The following KAT6B variants were observed in gnomAD, a reference collection of about 807,000 sequenced individuals.
KAT6B encodes lysine acetyltransferase 6B.
A neutral mutation model predicts 187.5 loss-of-function variants in KAT6B; 10 were observed. That is an observed-to-expected ratio of 0.05 (90% CI 0.03 to 0.09). The LOEUF (loss-of-function observed/expected upper bound fraction) is 0.09. Among genes scored for constraint, KAT6B ranks in the 10% least tolerant of loss-of-function variants. The pLI, the probability that KAT6B is intolerant of heterozygous loss-of-function variation, is 1.00. For synonymous variants in KAT6B, 861 were observed against 926.8 expected (o/e 0.93, Z 1.29); for missense variants, 1,952 against 2,558.9 (o/e 0.76, Z 5.12).
At chr10:74,860,549 G>C (rs1048039920) in intron 3 of KAT6B, among the ~76,000 whole-genome samples, 2 of 152,200 alleles carry the variant, frequency 1.3e-5, no homozygotes, top group East Asian at 1.9e-4. Context: ...TTCAATCCTG[G>C]TGCACAGGCA....
At chr10:74,924,691 C>T (rs1207808996) in intron 3 of KAT6B, among the ~76,000 whole-genome samples, 1 of 152,194 alleles carries the variant, frequency 6.6e-6, no homozygotes, top group Non-Finnish European at 1.5e-5. Flanking sequence ...ATGAAATTGA[C>T]TAACTTTGTA....
At chr10:74,997,008 TTAAA>T (rs1161230159) in intron 13 of KAT6B, among the ~76,000 whole-genome samples, 1 of 152,088 alleles carries the variant, frequency 6.6e-6, no homozygotes, top group African/African-American at 2.4e-5. Flanking sequence ...TCTATAGTGT[TTAAA>T]TAAATATATA....
chr10:74,983,240 G>T, intron 11 of KAT6B: 1 of 152,384 alleles, frequency 6.6e-6, no homozygotes. Flanking sequence ...AGGATGTTTA[G>T]CAGCATCTCT....
chr10:74,894,783 T>C (rs2132681131), intron 3 of KAT6B, among the ~76,000 whole-genome samples: 1 of 152,334 alleles, frequency 6.6e-6, no homozygotes, highest in South Asian at 2.1e-4. Context: ...TTCCATTGTA[T>C]GGATAGACCA....
At chr10:74,836,145 G>A (rs925323831) in intron 1 of KAT6B, among the ~76,000 whole-genome samples, 3 of 152,250 alleles carry the variant, frequency 2.0e-5, no homozygotes, top group African/African-American at 4.8e-5. Flanking sequence ...AGCATGTATC[G>A]AAACTTCATT....
rs1050162426 is a variant in KAT6B at position 75,029,324 on chromosome 10, C to T, written c.4500C>T (p.Pro1500=). 18 of 1,613,834 alleles carry T rather than the reference C, an allele frequency of 1.1e-5. No homozygotes were observed. The highest frequency in any genetic ancestry group is 2.7e-5 in the African/African-American group (2 of 74,824). ...TTGCTGGGGACCCTGAAGCTGTACC[C>T]GAATCTGACGAGGAGCCACCCCCAG... is the stretch of plus-strand genomic sequence containing the variant. ...KELAGDPEAV[P]ESDEEPPPGE... Residue 1500 remains proline (P), a synonymous_variant, in exon 18 of 18, where the codon CCC becomes CCT. Coordinates refer to ENST00000287239, the MANE Select transcript of KAT6B (RefSeq NM_012330.4). This position sits in a 1 kb window ranked among gnomAD's most constrained non-coding sequence, Gnocchi z 6.2.
In KAT6B at chr10:74,868,998, C is replaced by T. The variant is rs150083793; in HGVS notation, c.621+25520C>T. On this transcript the variant is annotated intron_variant, in intron 3 of 17. Coordinates refer to ENST00000287239, the MANE Select transcript of KAT6B (RefSeq NM_012330.4). Reference sequence around the variant, plus strand: ...AGCCTTGTTCTGAACCACAGTTTTACAATGAAGCTTAAGATTAAACTGAAA... The same window carrying T: ...AGCCTTGTTCTGAACCACAGTTTTATAATGAAGCTTAAGATTAAACTGAAA... 1.2e-4 allele frequency among the ~76,000 whole-genome samples: 18 copies of T among 152,314 alleles called. No individual in the cohort carries two copies. The East Asian group carries it at 3.3e-3, about 28-fold the overall frequency.
At chr10:74,988,867 G>T in intron 12 of KAT6B, 152 bp from the exon 13 acceptor site, 82 of 676,004 alleles carry the variant, frequency 1.2e-4, no homozygotes, top group Middle Eastern at 3.3e-4. Context: ...TTGATAGTTT[G>T]ATTGATTAAT....
intron 3 of KAT6B, among the ~76,000 whole-genome samples, chr10:74,929,287 C>A (rs958203729): frequency 2.6e-4 from 39 of 152,200 alleles, no homozygotes; most frequent in Middle Eastern, 6.8e-3. Flanking sequence ...CAAAAAAATC[C>A]CAAAATACTG....
chr10:74,844,714 C>T (rs1447376487), intron 3 of KAT6B, among the ~76,000 whole-genome samples: 2 of 152,082 alleles, frequency 1.3e-5, no homozygotes, highest in Non-Finnish European at 2.9e-5. Context: ...TTACTGCTAC[C>T]ACTTTAAGTT....
In KAT6B at chr10:74,921,241, A is replaced by T. The variant is rs972222499; in HGVS notation, c.622-38729A>T. On this transcript the variant is annotated intron_variant, in intron 3 of 17. Coordinates refer to ENST00000287239, the MANE Select transcript of KAT6B (RefSeq NM_012330.4). ...GTGATTCTCCTGCCTCATCCTCCTG[A>T]GTAGCTGGGATTACAGATGCCTGCC... Among the ~76,000 whole-genome samples the T allele has an allele frequency of 4.0e-5, 6 of 150,120 alleles. No individual in the cohort carries two copies. The East Asian group carries it at 1.2e-3, about 30-fold the overall frequency.
chr10:74,964,138 TA>T (rs1180333230), intron 4 of KAT6B, among the ~76,000 whole-genome samples: 1 of 151,248 alleles, frequency 6.6e-6, no homozygotes, highest in East Asian at 1.9e-4. Flanking sequence ...TCTCAAAAAA[TA>T]AAAATAAAAA....
chr10:75,022,026 G>A lies in KAT6B; in HGVS notation c.3167G>A (p.Gly1056Glu), dbSNP rs1405226514. 6.2e-7 allele frequency: 1 copy of A among 1,613,958 alleles called. No individual in the cohort carries two copies. The highest frequency in any genetic ancestry group is 1.3e-5 in the African/African-American group (1 of 74,884). Residue 1056 changes from glycine (G) to glutamate (E), a missense_variant, in exon 16 of 18, where the codon GGG becomes GAG. Physicochemically the swap from Gly to Glu is moderately conservative, Grantham distance 98. Coordinates refer to ENST00000287239, the MANE Select transcript of KAT6B (RefSeq NM_012330.4). The part of the protein sequence containing the change: ...LHSPESRPVT[G>E]ERGQLLELSK... Reference sequence around the variant, plus strand: ...TCCCCGGAGAGCCGGCCAGTCACAGGGGAGCGAGGGCAGCTGCTGGAGCTG... The same window carrying A: ...TCCCCGGAGAGCCGGCCAGTCACAGAGGAGCGAGGGCAGCTGCTGGAGCTG...
At chr10:74,932,057 T>C (rs553518669) in intron 3 of KAT6B, among the ~76,000 whole-genome samples, 42 of 152,306 alleles carry the variant, frequency 2.8e-4, no homozygotes, top group African/African-American at 9.6e-4. Context: ...CCCCATGTGA[T>C]TTGTAAACCC....
intron 3 of KAT6B, among the ~76,000 whole-genome samples, chr10:74,895,476 A>G (rs1299728444): frequency 2.0e-5 from 3 of 152,080 alleles, no homozygotes; most frequent in Admixed American, 2.0e-4. Context: ...AATAGGCCCT[A>G]TGAGTAAGGC....
At position 75,025,222 on chromosome 10, in the gene KAT6B, T is replaced by C; in HGVS notation, c.3637T>C (p.Cys1213Arg). 1 of 1,614,190 alleles carries C rather than the reference T, an allele frequency of 6.2e-7. No homozygotes were observed. The highest frequency in any genetic ancestry group is 1.1e-5 in the South Asian group (1 of 91,072). ...GGAAGAGGAAGGAAAAGACAATCAT[T>C]GCTTCAAGAATGCTGACCCTTGTAG... ...TEEEEGKDNH[C>R]FKNADPCRNN... Residue 1213 changes from cysteine (C) to arginine (R), a missense_variant, in exon 17 of 18, where the codon TGC becomes CGC. This residue lies in a region of KAT6B where 758 missense variants were observed against 891.4 expected (regional missense o/e 0.85). Transcript: ENST00000287239.
At chr10:74,936,028 A>G (rs536368179) in intron 3 of KAT6B, among the ~76,000 whole-genome samples, 4 of 152,196 alleles carry the variant, frequency 2.6e-5, no homozygotes, top group South Asian at 2.1e-4. Context: ...TTTAAAATCT[A>G]TCTTTAGTAC....
chr10:74,962,628 T>G (rs1462820121), intron 4 of KAT6B, among the ~76,000 whole-genome samples: 2 of 152,218 alleles, frequency 1.3e-5, no homozygotes, highest in Non-Finnish European at 1.5e-5. Flanking sequence ...GGAGGATCAT[T>G]CTTAAATGTG....
chr10:74,958,853 C>T (rs1167831785), intron 3 of KAT6B, among the ~76,000 whole-genome samples: 1 of 151,882 alleles, frequency 6.6e-6, no homozygotes, highest in East Asian at 1.9e-4. Context: ...TCCTGACCAA[C>T]ATGGTGAAAC....
Sources: allele counts gnomAD v4.1 joint callset (sites outside exome capture counted in the v4.1 genomes callset), GRCh38; gene constraint gnomAD v4.1.1; regional missense constraint gnomAD v4.1.1; non-coding constraint Gnocchi (gnomAD v3.1); transcripts MANE v1.5; gene names NCBI Gene and HGNC (gene_info 2026-07-23, HGNC 2026-07-21).